LIMCH1: variants seen among roughly 807,000 people sequenced by gnomAD.
LIMCH1 encodes the protein LIM and calponin homology domains-containing protein 1.
A neutral mutation model predicts 176.5 loss-of-function variants in LIMCH1; 113 were observed. The ratio of observed to expected loss-of-function variants is 0.64; its 90% confidence interval spans 0.55 to 0.75. LIMCH1 has a LOEUF of 0.75. LIMCH1 is among the 30% of genes least tolerant of loss of function. The probability of loss-of-function intolerance (pLI) is 0.00; values close to 1 mark genes in which losing one functional copy is unlikely to be tolerated. For synonymous variants in LIMCH1, 619 were observed against 645.9 expected (o/e 0.96, Z 0.63); for missense variants, 1,674 against 1,814.9 (o/e 0.92, Z 1.41).
At chr4:41,519,589 A>G (rs551054695) in intron 2 of LIMCH1, among the ~76,000 whole-genome samples, 1 of 152,252 alleles carries the variant, frequency 6.6e-6, no homozygotes, top group African/African-American at 2.4e-5. Context: ...GACCTGATTC[A>G]TTTATGTGAG....
intron 1 of LIMCH1, among the ~76,000 whole-genome samples, chr4:41,587,917 T>C (rs2086759806): frequency 6.6e-6 from 1 of 152,314 alleles, no homozygotes; most frequent in East Asian, 1.9e-4. Flanking sequence ...TATCAAACTT[T>C]ATATTCTTTT....
intron 21 of LIMCH1, among the ~76,000 whole-genome samples, chr4:41,667,411 CGTG>C: frequency 6.7e-6 from 1 of 150,068 alleles, no homozygotes; most frequent in Admixed American, 6.7e-5. Context: ...ATATGAGAAA[CGTG>C]TGTGTGTGTG....
Position 41,396,009 on chromosome 4 carries a change from C to A in LIMCH1, c.96+35073C>A, listed in dbSNP as rs111593638. Among the ~76,000 whole-genome samples, 680 of 152,138 alleles carry A rather than the reference C, an allele frequency of 4.5e-3. 12 individuals carry two copies. Among genetic ancestry groups the A allele is most frequent in the African/African-American group, 0.016 (658 of 41,492 alleles). ...GGCAGAGACCTGAAAGGAATGAGGG[C>A]GAAAGCCATAAGAACACCTGGGAGA... is the stretch of plus-strand genomic sequence containing the variant. On this transcript the variant is annotated intron_variant, in intron 1 of 26. Transcript: ENST00000313860.
At chr4:41,513,947 G>A (rs766751699) in intron 2 of LIMCH1, among the ~76,000 whole-genome samples, 18 of 142,500 alleles carry the variant, frequency 1.3e-4, no homozygotes, top group Non-Finnish European at 2.1e-4. Context: ...TGGAGGTTCC[G>A]GTGAGCGGAG....
At chr4:41,494,092 C>T (rs2071582821) in intron 1 of LIMCH1, among the ~76,000 whole-genome samples, 1 of 151,860 alleles carries the variant, frequency 6.6e-6, no homozygotes, top group Admixed American at 6.6e-5. Context: ...GTGCCCAAAC[C>T]CCCAAAAGTA....
At position 41,418,343 on chromosome 4, in the gene LIMCH1, A is replaced by G. The variant is rs181749565; in HGVS notation, c.96+57407A>G. Among the ~76,000 whole-genome samples, 12 of 152,286 alleles carry G rather than the reference A, an allele frequency of 7.9e-5. No individual in the cohort carries two copies. In the East Asian group the frequency reaches 2.3e-3, roughly 29 times the overall value. Reference sequence around the variant, plus strand: ...TTTAATTACATCTGCGTTTTTCTCCATTCACCTGGTGTGAAGAGGGAGGGA... The same window carrying G: ...TTTAATTACATCTGCGTTTTTCTCCGTTCACCTGGTGTGAAGAGGGAGGGA... On this transcript the variant is annotated intron_variant, in intron 1 of 26. Transcript: ENST00000313860.
intron 1 of LIMCH1, among the ~76,000 whole-genome samples, chr4:41,481,686 G>A (rs1327239858): frequency 6.6e-6 from 1 of 152,002 alleles, no homozygotes; most frequent in African/African-American, 2.4e-5. Context: ...ATATATTTTG[G>A]GGGGAGAATG....
At chr4:41,668,985 C>G (rs2094925292) in intron 21 of LIMCH1, among the ~76,000 whole-genome samples, 1 of 152,172 alleles carries the variant, frequency 6.6e-6, no homozygotes, top group Non-Finnish European at 1.5e-5. Context: ...CACCAGGTCC[C>G]TCCCATGACA....
chr4:41,633,896 C>G, intron 13 of LIMCH1, 88 bp downstream of exon 13: 1 of 1,346,096 alleles, frequency 7.4e-7, no homozygotes, highest in Non-Finnish European at 1.0e-6. Flanking sequence ...ACCTCAGTGC[C>G]GCTTACCTGC....
intron 1 of LIMCH1, among the ~76,000 whole-genome samples, chr4:41,493,565 A>G (rs888558355): frequency 5.3e-5 from 8 of 152,190 alleles, no homozygotes; most frequent in Admixed American, 3.3e-4. Flanking sequence ...AGATGATTCT[A>G]TGTGTACTGG....
chr4:41,590,884 G>A (rs990100393), intron 1 of LIMCH1, among the ~76,000 whole-genome samples: 3 of 152,130 alleles, frequency 2.0e-5, no homozygotes, highest in Non-Finnish European at 2.9e-5. Flanking sequence ...ACAGGCTGAG[G>A]CAGCAACTGT....
chr4:41,413,798 A>T (rs898940503), intron 1 of LIMCH1, among the ~76,000 whole-genome samples: 11 of 152,122 alleles, frequency 7.2e-5, no homozygotes, highest in African/African-American at 2.7e-4. Context: ...TGTAAAGCCG[A>T]CCTCAAGTAG....
rs1714415172 is a variant in LIMCH1, at chr4:41,680,052, A to G, written c.3566A>G (p.Lys1189Arg). ...GACAAGCTGAAAGAAGAGTGGGAAA[A>G]GGCCCAAAAGGAGGTGGAAGAGGAA... ...EQDKLKEEWE[K>R]AQKEVEEEER... The change falls in exon 24 of 32, where the codon AAG becomes AGG. Residue 1189 changes from lysine to arginine, a missense_variant. Around this residue, in one of 3 missense-constraint regions of LIMCH1, gnomAD observed 1,015 missense variants for 1,102.5 expected, o/e 0.92. Coordinates refer to ENST00000503057, the MANE Select transcript of LIMCH1 (RefSeq NM_001330672.2). The G allele has an allele frequency of 3.7e-6, 6 of 1,610,198 alleles. No homozygotes were observed. In the Admixed American group the frequency reaches 6.7e-5, roughly 18 times the overall value.
At chr4:41,573,577 AC>A (rs989104390) in intron 1 of LIMCH1, among the ~76,000 whole-genome samples, 3 of 152,168 alleles carry the variant, frequency 2.0e-5, no homozygotes, top group African/African-American at 7.2e-5. Flanking sequence ...ATGGCTGTAT[AC>A]CCTTTTCCCA....
chr4:41,569,808 A>AG (rs1365163709), intron 1 of LIMCH1, among the ~76,000 whole-genome samples: 2 of 152,240 alleles, frequency 1.3e-5, no homozygotes, highest in African/African-American at 4.8e-5. Context: ...TTAGCTGTGC[A>AG]TCAAATTCAC....
intron 4 of LIMCH1, among the ~76,000 whole-genome samples, chr4:41,610,665 C>G (rs1314225327): frequency 2.0e-5 from 3 of 152,062 alleles, no homozygotes; most frequent in Non-Finnish European, 4.4e-5. Context: ...ATTATTAGTC[C>G]CATTTTACAG....
chr4:41,649,749 C>T (rs531366733), intron 17 of LIMCH1, among the ~76,000 whole-genome samples: 1 of 152,324 alleles, frequency 6.6e-6, no homozygotes, highest in Non-Finnish European at 1.5e-5. Flanking sequence ...TCTGGTTTCC[C>T]TTTCTTGCTC....
intron 1 of LIMCH1, among the ~76,000 whole-genome samples, chr4:41,571,693 G>A (rs1482455590): frequency 6.6e-6 from 1 of 152,136 alleles, no homozygotes; most frequent in Non-Finnish European, 1.5e-5. Context: ...AGAGCCTGAT[G>A]GATAATGTGT....
intron 13 of LIMCH1, among the ~76,000 whole-genome samples, chr4:41,636,406 A>T (rs534399313): frequency 6.7e-6 from 1 of 148,898 alleles, no homozygotes; most frequent in African/African-American, 2.5e-5. Flanking sequence ...TGATTGGGAA[A>T]GTCACTTGAC....
Sources: gnomAD v4.1 joint callset for allele counts (sites outside exome capture counted in the v4.1 genomes callset) on GRCh38, gnomAD v4.1.1 for gene constraint, gnomAD v4.1.1 regional missense constraint, MANE v1.5 for transcripts, NCBI Gene and HGNC (gene_info 2026-07-23, HGNC 2026-07-21) for gene names.